The following PCDH15 variants were observed in gnomAD, a reference collection of about 807,000 sequenced individuals.
PCDH15 encodes protocadherin related 15.
Under a neutral mutation model 178.5 loss-of-function variants are expected in PCDH15, and 129 were observed. The observed-to-expected ratio is 0.72, with a 90% CI of 0.63 to 0.84. The LOEUF is 0.84. Among genes scored for constraint, PCDH15 ranks in the 40% least tolerant of loss-of-function variants. The probability of loss-of-function intolerance (pLI) is 0.00; values close to 1 mark genes in which losing one functional copy is unlikely to be tolerated. For synonymous variants in PCDH15, 800 were observed against 732.0 expected, an observed-to-expected ratio of 1.09 and a Z score of -1.50; for missense variants, 2,230 against 2,099.9, an observed-to-expected ratio of 1.06 and a Z score of -1.21.
intron 2 of PCDH15, among the ~76,000 whole-genome samples, chr10:54,979,744 C>A (rs932054984): frequency 1.3e-5 from 2 of 148,490 alleles, no homozygotes; most frequent in East Asian, 4.0e-4. Flanking sequence ...TACATATATA[C>A]AATGAAATAT....
intron 23 of PCDH15, among the ~76,000 whole-genome samples, chr10:53,949,846 C>T (rs1230988194): frequency 1.3e-5 from 2 of 152,150 alleles, no homozygotes; most frequent in Admixed American, 6.6e-5. Context: ...GATAATATTA[C>T]TTGCATTTTC....
intron 1 of PCDH15, among the ~76,000 whole-genome samples, chr10:54,722,596 G>T (rs1431804683): frequency 7.4e-6 from 1 of 134,296 alleles, no homozygotes; most frequent in Non-Finnish European, 1.7e-5. Flanking sequence ...AAAAAAAAAT[G>T]TCAAATTATC....
intron 26 of PCDH15, among the ~76,000 whole-genome samples, chr10:53,901,656 GC>G (rs1281300077): frequency 2.0e-5 from 3 of 151,992 alleles, no homozygotes; most frequent in Non-Finnish European, 4.4e-5. Context: ...CCATATTCTA[GC>G]CCCAGGTACA....
At position 53,831,615 on chromosome 10, in the gene PCDH15, T is replaced by C. The variant is rs77806268; in HGVS notation, c.3984-82A>G. 5.0e-3 allele frequency: 4,960 copies of C among 997,824 alleles called. 188 individuals carry two copies. The African/African-American group carries it at 0.071, about 14-fold the overall frequency. 61.8% of individuals were successfully genotyped at this position (997,824 alleles called of 1,614,324 possible). On this transcript the variant is annotated intron_variant, in intron 29 of 37. Coordinates refer to ENST00000644397, the MANE Select transcript of PCDH15 (RefSeq NM_001384140.1). ...AAAATAAAATCTTTTTGTAAGATCT[T>C]TCAATATTTTCTCTAATTGAAACAC...
chr10:54,166,940 G>A (rs1011334372), intron 13 of PCDH15, among the ~76,000 whole-genome samples: 3 of 152,062 alleles, frequency 2.0e-5, no homozygotes, highest in Admixed American at 6.6e-5. Flanking sequence ...ACTCCTGCCC[G>A]CCAGAGAACA....
At chr10:55,600,434 C>G (rs1056668283) in intron 2 of PCDH15, among the ~76,000 whole-genome samples, 1 of 151,956 alleles carries the variant, frequency 6.6e-6, no homozygotes, top group Non-Finnish European at 1.5e-5. Flanking sequence ...AAACTAAGAC[C>G]GCACTAGTGT....
chr10:55,362,906 A>G (rs144917094), intron 2 of PCDH15, among the ~76,000 whole-genome samples: 2,460 of 152,290 alleles, frequency 0.016, 57 homozygotes, highest in African/African-American at 0.056. Context: ...ACACTGGAAG[A>G]AGAATTGTCT....
At chr10:54,677,548 T>A (rs1007964603) in intron 1 of PCDH15, among the ~76,000 whole-genome samples, 1 of 152,080 alleles carries the variant, frequency 6.6e-6, no homozygotes, top group African/African-American at 2.4e-5. Flanking sequence ...GAAGGGATCA[T>A]AAATGCATAA....
Position 54,697,515 on chromosome 10 carries a change from G to GTGTATATATATATATATATATA in PCDH15, c.-28-33226_-28-33225insTATATATATATATATATATACA, listed in dbSNP as rs1555156234. On this transcript the variant is annotated intron_variant, in intron 1 of 37. Transcript: ENST00000644397. ...TATCGCTATGCTTATTGAAATGTGT[G>GTGTATATATATATATATATATA]TATATATATATATATATATACCTCT... is the stretch of plus-strand genomic sequence containing the variant. Among the ~76,000 whole-genome samples the GTGTATATATATATATATATATA allele has an allele frequency of 3.2e-3, 452 of 143,016 alleles. 2 individuals carry two copies. The highest frequency in any genetic ancestry group is 0.011 in the African/African-American group (413 of 37,774). 93.8% of individuals were successfully genotyped at this position (143,016 alleles called of 152,430 possible).
At chr10:55,176,385 T>C (rs1839487419) in intron 1 of PCDH15, among the ~76,000 whole-genome samples, 1 of 152,128 alleles carries the variant, frequency 6.6e-6, no homozygotes, top group Non-Finnish European at 1.5e-5. Flanking sequence ...ACTCTTTGTC[T>C]TCCCCCTGGT....
chr10:54,779,429 C>CACAT (rs1566221057), intron 1 of PCDH15, among the ~76,000 whole-genome samples: 2 of 99,686 alleles, frequency 2.0e-5, no homozygotes, highest in Non-Finnish European at 4.3e-5. Context: ...TATACACACA[C>CACAT]ATATGTGTAT....
chr10:54,790,520 A>T (rs191706573), intron 1 of PCDH15, among the ~76,000 whole-genome samples: 186 of 151,918 alleles, frequency 1.2e-3, no homozygotes, highest in Non-Finnish European at 2.0e-3. Flanking sequence ...TTGATTTATG[A>T]AACCTTCTTT....
At chr10:53,884,044 A>T (rs2080924050) in intron 26 of PCDH15, among the ~76,000 whole-genome samples, 1 of 152,178 alleles carries the variant, frequency 6.6e-6, no homozygotes, top group Non-Finnish European at 1.5e-5. Flanking sequence ...AAACAAAACA[A>T]AACAAAACAA....
chr10:55,224,169 CAGCCTG>C (rs1840962145), intron 1 of PCDH15, among the ~76,000 whole-genome samples: 1 of 152,046 alleles, frequency 6.6e-6, no homozygotes, highest in Non-Finnish European at 1.5e-5. Flanking sequence ...CACTGCACTC[CAGCCTG>C]AGCAACAGAG....
intron 1 of PCDH15, among the ~76,000 whole-genome samples, chr10:54,720,248 T>C (rs1456605756): frequency 2.0e-5 from 3 of 152,088 alleles, no homozygotes; most frequent in South Asian, 4.1e-4. Context: ...TGCACAAGCA[T>C]GTTTATTGCA....
At chr10:54,505,674 G>A (rs529384125) in intron 3 of PCDH15, among the ~76,000 whole-genome samples, 100 of 152,082 alleles carry the variant, frequency 6.6e-4, no homozygotes, top group African/African-American at 2.3e-3. Context: ...AAGGGATACC[G>A]TTAGGAGAAA....
At chr10:55,316,373 C>T (rs780348442) in intron 1 of PCDH15, among the ~76,000 whole-genome samples, 9 of 152,080 alleles carry the variant, frequency 5.9e-5, no homozygotes, top group Non-Finnish European at 1.0e-4. Flanking sequence ...CAGAACATTG[C>T]AAATGATATA....
chr10:54,867,473 T>C lies in PCDH15; in HGVS notation c.-29+29977A>G, dbSNP rs532260259. Among the ~76,000 whole-genome samples, 108 of 152,294 alleles carry C rather than the reference T, an allele frequency of 7.1e-4. 1 individual carries two copies. The highest frequency in any genetic ancestry group is 4.0e-4 in the Non-Finnish European group (27 of 68,004). ...TTACATTATCTTGACATTATCAACA[T>C]CATTCTTATTTGACATTATCTAATA... On this transcript the variant is annotated intron_variant, in intron 3 of 5. Transcript: ENST00000458638.
chr10:53,982,748 C>A (rs553876352), intron 21 of PCDH15, among the ~76,000 whole-genome samples: 1 of 151,136 alleles, frequency 6.6e-6, no homozygotes, highest in African/African-American at 2.4e-5. Context: ...TGCAGCACAC[C>A]AGCATGGCAC....
Sources: gnomAD v4.1 joint callset for allele counts (sites outside exome capture counted in the v4.1 genomes callset) on GRCh38, gnomAD v4.1.1 for gene constraint, MANE v1.5 for transcripts, NCBI Gene and HGNC (gene_info 2026-07-23, HGNC 2026-07-21) for gene names.